Variants in PTPRS observed in about 807,000 individuals in gnomAD.
PTPRS encodes the protein protein tyrosine phosphatase receptor type S, also known as receptor-type tyrosine-protein phosphatase S.
PTPRS carries 63 observed loss-of-function variants against 215.3 expected under a neutral mutation model. The ratio of observed to expected loss-of-function variants is 0.29; its 90% CI spans 0.24 to 0.36. The LOEUF is 0.36. PTPRS is among the 10% of genes least tolerant of loss of function. PTPRS has a pLI of 1.00. For synonymous variants in PTPRS, 1,404 were observed against 1,191.4 expected (o/e 1.18, Z -3.68); for missense variants, 2,258 against 2,825.8 (o/e 0.80, Z 4.56).
chr19:5,206,925 A>T, intron 37 of PTPRS, 83 bp from the exon 38 acceptor site: 8 of 1,264,162 alleles, frequency 6.3e-6, no homozygotes, highest in Non-Finnish European at 9.2e-6. Context: ...GAGCAGGCCA[A>T]GCTCCTCAGC....
rs1469185026 is a variant in PTPRS, at chr19:5,218,430, G to A, written c.4038C>T (p.Phe1346=). ...GGGATAAGTACATACCTGGAGTCTGGAAGTTAATGCGTCTCATTTCCACAG... is the reference window on the plus strand; with the variant it reads ...GGGATAAGTACATACCTGGAGTCTGAAAGTTAATGCGTCTCATTTCCACAG... The part of the protein sequence containing the change: ...KDPVEMRRIN[F]QTPDSGLRSP... The change falls in exon 25 of 38, where the codon TTC becomes TTT. Residue 1346 remains phenylalanine (F), a synonymous_variant. Coordinates refer to ENST00000262963, the MANE Select transcript of PTPRS (RefSeq NM_002850.4). The A allele has an allele frequency of 1.9e-6, 3 of 1,613,628 alleles. No homozygotes were observed. Among genetic ancestry groups the A allele is most frequent in the African/African-American group, 1.3e-5 (1 of 74,862 alleles).
intron 19 of PTPRS, 142 bp from the exon 20 acceptor site, chr19:5,221,395 C>G (rs1037619859): frequency 9.1e-7 from 1 of 1,102,614 alleles, no homozygotes; most frequent in African/African-American, 1.6e-5. Flanking sequence ...ACTGACTGAT[C>G]CCTGATCCCA....
At chr19:5,307,505 T>C (rs2049537022) in intron 1 of PTPRS, among the ~76,000 whole-genome samples, 1 of 152,178 alleles carries the variant, frequency 6.6e-6, no homozygotes, top group Non-Finnish European at 1.5e-5. Flanking sequence ...TAAGATACTA[T>C]ATTTTTAAGT....
At chr19:5,243,854 C>A (rs763827624) in intron 11 of PTPRS, 47 bp downstream of exon 11, 1 of 1,412,158 alleles carries the variant, frequency 7.1e-7, no homozygotes, top group Middle Eastern at 2.4e-4. Context: ...TGCAAAGAAC[C>A]AAGCCGCACG....
chr19:5,214,151 CT>C (rs1378065508), intron 30 of PTPRS, among the ~76,000 whole-genome samples: 2 of 152,232 alleles, frequency 1.3e-5, no homozygotes, highest in Admixed American at 6.5e-5. Context: ...CTTTGTTCTC[CT>C]GCCGTGGGTG....
chr19:5,257,946 G>T lies in PTPRS; in HGVS notation c.706+71C>A. Reference sequence around the variant, plus strand: ...CAGGGGACGGGGGAGCCCGGAGGCGGTGAGCCCGAGGAGGGAGGGGGATGG... The same window carrying T: ...CAGGGGACGGGGGAGCCCGGAGGCGTTGAGCCCGAGGAGGGAGGGGGATGG... On this transcript the variant is annotated intron_variant, in intron 8 of 37. Coordinates refer to ENST00000262963, the MANE Select transcript of PTPRS (RefSeq NM_002850.4). This position sits in a 1 kb window ranked among gnomAD's most constrained non-coding sequence, Gnocchi z 4.4. 7.3e-7 allele frequency: 1 copy of T among 1,362,744 alleles called. No homozygotes were observed. Among genetic ancestry groups the T allele is most frequent in the Non-Finnish European group, 1.0e-6 (1 of 975,680 alleles). 84.4% of individuals were successfully genotyped at this position (1,362,744 alleles called of 1,614,324 possible).
At chr19:5,245,729 G>A (rs573302580) in intron 10 of PTPRS, 47 bp downstream of exon 10, 71 of 1,509,316 alleles carry the variant, frequency 4.7e-5, no homozygotes, top group Admixed American at 1.6e-4. Context: ...GTCGGGGATC[G>A]ACTCCAGCCT....
At chr19:5,208,208 CA>C in intron 36 of PTPRS, 28 bp downstream of exon 36, 1 of 1,565,856 alleles carries the variant, frequency 6.4e-7, no homozygotes, top group Non-Finnish European at 8.7e-7. Context: ...CCAGCAGGGC[CA>C]AAAGCTGGGA....
chr19:5,243,288 C>T (rs1009933498), intron 11 of PTPRS, among the ~76,000 whole-genome samples: 6 of 151,848 alleles, frequency 4.0e-5, no homozygotes, highest in African/African-American at 1.2e-4. Context: ...CCCGCCACCA[C>T]GGCCGGCTAT....
chr19:5,317,684 T>G (rs2049914475), intron 1 of PTPRS, among the ~76,000 whole-genome samples: 1 of 152,042 alleles, frequency 6.6e-6, no homozygotes, highest in Non-Finnish European at 1.5e-5. Context: ...ACATCTCAAA[T>G]AAGAGAACCC....
intron 1 of PTPRS, among the ~76,000 whole-genome samples, chr19:5,320,944 A>G (rs2050009193): frequency 6.6e-6 from 1 of 152,108 alleles, no homozygotes; most frequent in Non-Finnish European, 1.5e-5. Flanking sequence ...TTGGCCACTA[A>G]TCAACACAGT....
At chr19:5,235,601 GAAC>G (rs1314092687) in intron 13 of PTPRS, among the ~76,000 whole-genome samples, 51 of 152,188 alleles carry the variant, frequency 3.4e-4, no homozygotes, top group Non-Finnish European at 2.4e-4. Flanking sequence ...GAGGTTTGCA[GAAC>G]AATAATTGTT....
chr19:5,300,767 C>CAAAAAAAAAAAAAA (rs59799136), intron 1 of PTPRS, among the ~76,000 whole-genome samples: 7 of 97,726 alleles, frequency 7.2e-5, no homozygotes, highest in African/African-American at 1.2e-4. Context: ...GACTCCGTCT[C>CAAAAAAAAAAAAAA]AAAAAAAAAA....
chr19:5,292,984 A>G (rs2048960402), intron 1 of PTPRS, among the ~76,000 whole-genome samples: 1 of 152,064 alleles, frequency 6.6e-6, no homozygotes, highest in Non-Finnish European at 1.5e-5. Flanking sequence ...AGCAGGCCCA[A>G]GCTGGCCCTG....
In PTPRS at chr19:5,222,860, C is replaced by A; in HGVS notation, c.2932G>T (p.Ala978Ser). 6.3e-7 allele frequency: 1 copy of A among 1,585,974 alleles called. No individual in the cohort carries two copies. The highest frequency in any genetic ancestry group is 1.1e-5 in the South Asian group (1 of 89,800). Residue 978 changes from alanine to serine, a missense_variant, in exon 18 of 38, where the codon GCC becomes TCC. This residue lies in a region of PTPRS where 361 missense variants were observed against 332.6 expected (regional missense o/e 1.09). Coordinates refer to ENST00000262963, the MANE Select transcript of PTPRS (RefSeq NM_002850.4). ...GCTGCCGGCAGCTCAGTCTCTCGGG[C>A]AGGGCCCAGGGCACCGGCCTCCCGC... ...AVREAGALGP[A>S]RETELPAAAE... is the part of the protein sequence containing the mutation.
At chr19:5,298,747 G>A (rs1003787636) in intron 1 of PTPRS, among the ~76,000 whole-genome samples, 2 of 152,164 alleles carry the variant, frequency 1.3e-5, no homozygotes, top group Admixed American at 6.5e-5. Context: ...TCACCTGTCC[G>A]CCCCCGCAGG....
At position 5,279,015 on chromosome 19, in the gene PTPRS, G is replaced by A. The variant is rs149349168; in HGVS notation, c.92-4671C>T. ...CGCCTGACCAACATGGTGAAACCCC[G>A]TCTCTTCTAAAAATACAAAAATCAG... is the stretch of plus-strand genomic sequence containing the variant. On this transcript the variant is annotated intron_variant, in intron 2 of 37. Coordinates refer to ENST00000262963, the MANE Select transcript of PTPRS (RefSeq NM_002850.4). Among the ~76,000 whole-genome samples, 134 of 151,332 alleles carry A rather than the reference G, an allele frequency of 8.9e-4. 1 individual carries two copies. Among genetic ancestry groups the A allele is most frequent in the African/African-American group, 3.1e-3 (128 of 41,254 alleles).
chr19:5,316,374 T>C (rs1213540737), intron 1 of PTPRS, among the ~76,000 whole-genome samples: 1 of 152,024 alleles, frequency 6.6e-6, no homozygotes, highest in East Asian at 1.9e-4. Context: ...CCAGATTTGC[T>C]GATTGGGTTT....
At chr19:5,243,379 A>G (rs1599645879) in intron 11 of PTPRS, among the ~76,000 whole-genome samples, 2 of 150,190 alleles carry the variant, frequency 1.3e-5, no homozygotes, top group Admixed American at 1.3e-4. Flanking sequence ...CAGGTAATCC[A>G]CTCGCCTCCG....
Sources: allele counts gnomAD v4.1 joint callset (sites outside exome capture counted in the v4.1 genomes callset), GRCh38; gene constraint gnomAD v4.1.1; regional missense constraint gnomAD v4.1.1; non-coding constraint Gnocchi (gnomAD v3.1); transcripts MANE v1.5; gene names NCBI Gene and HGNC (gene_info 2026-07-23, HGNC 2026-07-21).